The following SIMC1 variants were observed in gnomAD, a reference collection of about 807,000 sequenced individuals.
SIMC1 encodes the protein SUMO-interacting motif-containing protein 1.
In SIMC1, 55 loss-of-function variants were observed where a neutral mutation model predicts 82.3. The ratio of observed to expected loss-of-function variants is 0.67; its 90% CI spans 0.54 to 0.84. The LOEUF (loss-of-function observed/expected upper bound fraction) is 0.84, where lower values mean the gene tolerates loss of function less well. Among genes scored for constraint, SIMC1 ranks in the 40% least tolerant of loss-of-function variants. The probability of loss-of-function intolerance (pLI) is 0.00; values close to 1 mark genes in which losing one functional copy is unlikely to be tolerated. For missense variants in SIMC1, 915 were observed against 1,107.2 expected, an observed-to-expected ratio of 0.83 and a Z score of 2.46; for synonymous variants, 353 against 426.3, an observed-to-expected ratio of 0.83 and a Z score of 2.12.
chr5:176,308,206 TG>T, intron 4 of SIMC1: 1 of 1,508,664 alleles, frequency 6.6e-7, no homozygotes, highest in East Asian at 2.3e-5. Context: ...ATACAAGGAG[TG>T]ACTCCAAATT....
intron 5 of SIMC1, among the ~76,000 whole-genome samples, chr5:176,314,118 T>C (rs1764797055): frequency 6.6e-6 from 1 of 152,022 alleles, no homozygotes; most frequent in South Asian, 2.1e-4. Flanking sequence ...AATATACAAA[T>C]TAGCAGGGCG....
intron 7 of SIMC1, among the ~76,000 whole-genome samples, chr5:176,334,830 T>C (rs1472848055): frequency 6.6e-6 from 1 of 152,212 alleles, no homozygotes; most frequent in African/African-American, 2.4e-5. Context: ...CAGTGGCTCA[T>C]GCCTATAATC....
chr5:176,309,825 C>T (rs1335270608), intron 4 of SIMC1, among the ~76,000 whole-genome samples: 1 of 152,014 alleles, frequency 6.6e-6, no homozygotes, highest in Non-Finnish European at 1.5e-5. Context: ...CCAGTAGTCC[C>T]AGCTACTAGG....
intron 2 of SIMC1, 79 bp downstream of exon 2, chr5:176,291,034 C>A (rs539587035): frequency 5.0e-6 from 4 of 806,296 alleles, no homozygotes; most frequent in African/African-American, 3.5e-5. Context: ...GGAGTCCATG[C>A]GTGAGAGGAC....
chr5:176,302,710 C>T (rs1414661530), intron 4 of SIMC1, among the ~76,000 whole-genome samples: 1 of 151,402 alleles, frequency 6.6e-6, no homozygotes, highest in Non-Finnish European at 1.5e-5. Context: ...TTCAGCAAAA[C>T]AGCAGTATAT....
intron 4 of SIMC1, chr5:176,313,209 G>C: frequency 8.8e-7 from 1 of 1,131,084 alleles, no homozygotes; most frequent in Non-Finnish European, 1.1e-6. Flanking sequence ...CATCATGGCG[G>C]TTTGATCTAG....
chr5:176,260,421 G>A (rs1342983598), intron 1 of SIMC1, among the ~76,000 whole-genome samples: 1 of 152,066 alleles, frequency 6.6e-6, no homozygotes, highest in Non-Finnish European at 1.5e-5. Flanking sequence ...ACTTACTTGT[G>A]TGACCAAATA....
At chr5:176,298,505 A>G (rs1450442027) in intron 4 of SIMC1, among the ~76,000 whole-genome samples, 1 of 152,198 alleles carries the variant, frequency 6.6e-6, no homozygotes, top group African/African-American at 2.4e-5. Context: ...GTGGTGGTGC[A>G]TGCCTGCAGT....
At chr5:176,337,596 G>A (rs1371971874) in intron 9 of SIMC1, among the ~76,000 whole-genome samples, 1 of 152,144 alleles carries the variant, frequency 6.6e-6, no homozygotes, top group African/African-American at 2.4e-5. Flanking sequence ...CCTGTCTCAA[G>A]GGGGGCGGAA....
intron 1 of SIMC1, among the ~76,000 whole-genome samples, chr5:176,250,157 G>T (rs1174028026): frequency 6.6e-6 from 1 of 152,008 alleles, no homozygotes; most frequent in East Asian, 1.9e-4. Flanking sequence ...ATTTATTTCT[G>T]CCTTAATGTC....
At chr5:176,242,498 G>GT (rs955945099) in intron 1 of SIMC1, among the ~76,000 whole-genome samples, 4 of 151,558 alleles carry the variant, frequency 2.6e-5, no homozygotes, top group East Asian at 1.9e-4. Flanking sequence ...CTTTTTCTTA[G>GT]TTTTTTTCAA....
At chr5:176,326,255 C>T (rs1765388137) in intron 7 of SIMC1, among the ~76,000 whole-genome samples, 1 of 152,130 alleles carries the variant, frequency 6.6e-6, no homozygotes, top group Non-Finnish European at 1.5e-5. Context: ...TCTTCTATTA[C>T]AAGAAAATGT....
rs573303955 is a variant in SIMC1, at chr5:176,309,748, A to C, written c.1735-3943A>C. On this transcript the variant is annotated intron_variant, in intron 4 of 9. Coordinates refer to ENST00000429602, the MANE Select transcript of SIMC1 (RefSeq NM_001308195.2). ...GTTAGGGGTTCCAGACCAGCCTGGCAACATAGTGAGACTCTGTCTCTACAA... is the reference window on the plus strand; with the variant it reads ...GTTAGGGGTTCCAGACCAGCCTGGCCACATAGTGAGACTCTGTCTCTACAA... Among the ~76,000 whole-genome samples the C allele has an allele frequency of 2.0e-5, 3 of 152,302 alleles. No individual in the cohort carries two copies. In the East Asian group the frequency reaches 5.8e-4, roughly 29 times the overall value.
chr5:176,313,347 C>A, intron 4 of SIMC1: 1 of 1,491,294 alleles, frequency 6.7e-7, no homozygotes, highest in South Asian at 1.3e-5. Context: ...CCTCTTAAAT[C>A]AAATGATCTA....
chr5:176,252,217 G>A (rs56262604), intron 1 of SIMC1, among the ~76,000 whole-genome samples: 12 of 52,904 alleles, frequency 2.3e-4, no homozygotes, highest in Admixed American at 7.9e-4. Context: ...GGGGCTGACC[G>A]CCCCCCCCAC....
At chr5:176,248,646 G>A (rs1040220660) in intron 1 of SIMC1, among the ~76,000 whole-genome samples, 1 of 152,118 alleles carries the variant, frequency 6.6e-6, no homozygotes, top group Non-Finnish European at 1.5e-5. Context: ...ATACTATGTT[G>A]AATGGAGTGG....
chr5:176,330,333 G>T (rs1376316383), intron 7 of SIMC1, among the ~76,000 whole-genome samples: 1 of 151,604 alleles, frequency 6.6e-6, no homozygotes, highest in African/African-American at 2.4e-5. Flanking sequence ...ATCAGGAGGT[G>T]GAGGTTGCAG....
chr5:176,242,623 A>C (rs1761311728), intron 1 of SIMC1, among the ~76,000 whole-genome samples: 1 of 152,112 alleles, frequency 6.6e-6, no homozygotes, highest in African/African-American at 2.4e-5. Context: ...CATGCAGTTC[A>C]AACCTGTGTT....
chr5:176,331,229 G>A (rs1447921034), intron 7 of SIMC1, among the ~76,000 whole-genome samples: 3 of 151,994 alleles, frequency 2.0e-5, no homozygotes, highest in Admixed American at 2.0e-4. Flanking sequence ...AATTAGCCAG[G>A]CATGGTGGCA....
Sources: gnomAD v4.1 joint callset for allele counts (sites outside exome capture counted in the v4.1 genomes callset) on GRCh38, gnomAD v4.1.1 for gene constraint, MANE v1.5 for transcripts, NCBI Gene and HGNC (gene_info 2026-07-23, HGNC 2026-07-21) for gene names.